The following SLC35F1 variants were observed in gnomAD, a reference collection of about 807,000 sequenced individuals.
SLC35F1 encodes solute carrier family 35 member F1.
A neutral mutation model predicts 48.7 loss-of-function variants in SLC35F1; 14 were observed. That is an observed-to-expected ratio of 0.29 (90% CI 0.19 to 0.45). SLC35F1 has a LOEUF of 0.45. SLC35F1 is among the 20% of genes least tolerant of loss of function. SLC35F1 has a pLI of 1.00. For missense variants in SLC35F1, 404 were observed against 500.0 expected (o/e 0.81, Z 1.83); for synonymous variants, 190 against 202.2 (o/e 0.94, Z 0.51).
chr6:118,083,764 C>G (rs553922543), intron 1 of SLC35F1, among the ~76,000 whole-genome samples: 1 of 152,276 alleles, frequency 6.6e-6, no homozygotes, highest in African/African-American at 2.4e-5. Flanking sequence ...CAATAATTTG[C>G]CCTTTAGCTA....
intron 1 of SLC35F1, among the ~76,000 whole-genome samples, chr6:118,026,960 CT>C (rs918451925): frequency 2.6e-5 from 4 of 152,062 alleles, no homozygotes; most frequent in African/African-American, 9.7e-5. Flanking sequence ...TTTCTGGTCC[CT>C]TTTGTTGTCA....
At chr6:118,235,744 A>G in intron 3 of SLC35F1, 108 bp downstream of exon 3, 1 of 1,122,374 alleles carries the variant, frequency 8.9e-7, no homozygotes, top group Non-Finnish European at 1.2e-6. Context: ...TGTATACTAT[A>G]CTATAGTATA....
chr6:117,923,758 C>CATGTGTATATATACAT (rs1775969093), intron 1 of SLC35F1, among the ~76,000 whole-genome samples: 1 of 51,832 alleles, frequency 1.9e-5, no homozygotes, highest in Non-Finnish European at 4.0e-5. Flanking sequence ...TACATATATA[C>CATGTGTATATATACAT]ATATGCACAT....
At chr6:117,937,346 TA>T in intron 1 of SLC35F1, among the ~76,000 whole-genome samples, 1 of 152,352 alleles carries the variant, frequency 6.6e-6, no homozygotes, top group South Asian at 2.1e-4. Context: ...GACTGCGTGG[TA>T]AACATTGAAG....
chr6:118,166,022 C>T (rs1288759087), intron 2 of SLC35F1, among the ~76,000 whole-genome samples: 1 of 152,106 alleles, frequency 6.6e-6, no homozygotes, highest in Non-Finnish European at 1.5e-5. Context: ...TAATGAACTT[C>T]TCCAAAGACA....
chr6:118,076,451 G>T (rs911219435), intron 1 of SLC35F1, among the ~76,000 whole-genome samples: 2 of 152,138 alleles, frequency 1.3e-5, no homozygotes, highest in Non-Finnish European at 2.9e-5. Flanking sequence ...AGGCATGGCT[G>T]GGGAGGCCTC....
At chr6:117,933,590 A>G (rs563599027) in intron 1 of SLC35F1, among the ~76,000 whole-genome samples, 5 of 151,406 alleles carry the variant, frequency 3.3e-5, no homozygotes, top group South Asian at 2.2e-4. Context: ...GAAATTTTAG[A>G]AAAAAAAAGG....
intron 1 of SLC35F1, among the ~76,000 whole-genome samples, chr6:118,039,640 T>TC (rs993265453): frequency 3.3e-5 from 5 of 151,970 alleles, no homozygotes; most frequent in African/African-American, 1.2e-4. Flanking sequence ...TAGTCTTTTT[T>TC]TAAAAAATTG....
At chr6:118,234,242 T>A (rs1277547005) in intron 2 of SLC35F1, among the ~76,000 whole-genome samples, 1 of 152,154 alleles carries the variant, frequency 6.6e-6, no homozygotes, top group African/African-American at 2.4e-5. Flanking sequence ...CACTCCCTTA[T>A]GAAATTCTCT....
intron 1 of SLC35F1, among the ~76,000 whole-genome samples, chr6:118,020,403 A>G (rs1349344101): frequency 6.6e-6 from 1 of 152,234 alleles, no homozygotes; most frequent in Admixed American, 6.5e-5. Flanking sequence ...GTATCAGCTT[A>G]TAACCAACCA....
chr6:118,209,844 G>A (rs1434102157), intron 2 of SLC35F1, among the ~76,000 whole-genome samples: 1 of 152,100 alleles, frequency 6.6e-6, no homozygotes, highest in African/African-American at 2.4e-5. Context: ...TTTCATAAAT[G>A]TTTTGTTATC....
At chr6:117,916,933 A>G (rs1775834247) in intron 1 of SLC35F1, among the ~76,000 whole-genome samples, 1 of 152,220 alleles carries the variant, frequency 6.6e-6, no homozygotes. Context: ...ACTTCGGGAA[A>G]CAAAGCAGAA....
rs1776476617 is a variant in SLC35F1, at chr6:117,959,935, T to C, written c.173+52036T>C. On this transcript the variant is annotated intron_variant, in intron 1 of 7. Coordinates refer to ENST00000360388, the MANE Select transcript of SLC35F1 (RefSeq NM_001029858.4). ...AAAACTGAAGTCATGAGAGATTTAT[T>C]TGAGGTTATAAACAGCTAATAATTG... Among the ~76,000 whole-genome samples, 6 of 152,162 alleles carry C rather than the reference T, an allele frequency of 3.9e-5. No homozygotes were observed. In the South Asian group the frequency reaches 1.2e-3, roughly 31 times the overall value.
intron 1 of SLC35F1, among the ~76,000 whole-genome samples, chr6:118,050,674 A>T (rs1040836920): frequency 2.6e-5 from 4 of 152,128 alleles, no homozygotes; most frequent in Non-Finnish European, 5.9e-5. Flanking sequence ...TTCCCTGTTG[A>T]ATCCTAGGTG....
At chr6:117,936,358 A>G (rs1776163054) in intron 1 of SLC35F1, among the ~76,000 whole-genome samples, 1 of 152,166 alleles carries the variant, frequency 6.6e-6, no homozygotes, top group African/African-American at 2.4e-5. Context: ...GTAGGATTAT[A>G]GAAGGTGTGA....
At chr6:118,026,274 G>A (rs545614134) in intron 1 of SLC35F1, among the ~76,000 whole-genome samples, 45 of 152,262 alleles carry the variant, frequency 3.0e-4, no homozygotes, top group South Asian at 4.1e-4. Context: ...TGGCATGTGC[G>A]CAGAACACAG....
At chr6:117,979,478 T>A (rs574080330) in intron 1 of SLC35F1, among the ~76,000 whole-genome samples, 3 of 152,220 alleles carry the variant, frequency 2.0e-5, no homozygotes, top group African/African-American at 7.2e-5. Flanking sequence ...AGAAGTAGAC[T>A]TCAGATACAT....
chr6:117,954,011 G>T (rs1372159032), intron 1 of SLC35F1, among the ~76,000 whole-genome samples: 2 of 152,154 alleles, frequency 1.3e-5, no homozygotes. Flanking sequence ...CAGCCTTATA[G>T]ATTTCAAAGT....
intron 1 of SLC35F1, among the ~76,000 whole-genome samples, chr6:118,041,301 G>T (rs947946930): frequency 1.3e-5 from 2 of 152,060 alleles, no homozygotes; most frequent in African/African-American, 4.8e-5. Flanking sequence ...TTTACTTAAA[G>T]ATATCTTATA....
Sources: allele counts gnomAD v4.1 joint callset (sites outside exome capture counted in the v4.1 genomes callset), GRCh38; gene constraint gnomAD v4.1.1; transcripts MANE v1.5; gene names NCBI Gene and HGNC (gene_info 2026-07-23, HGNC 2026-07-21).